Variants in TRPM6 observed in about 807,000 individuals in gnomAD.
The protein encoded by TRPM6 is channel kinase 2.
TRPM6 carries 111 observed loss-of-function variants against 247.6 expected under a neutral mutation model. That is an observed-to-expected ratio of 0.45 (90% CI 0.38 to 0.52). The LOEUF (loss-of-function observed/expected upper bound fraction) is 0.52, where lower values mean the gene tolerates loss of function less well. Ranked by LOEUF, TRPM6 falls within the 20% of genes least tolerant of loss-of-function variation. TRPM6 has a pLI of 0.00. For synonymous variants in TRPM6, 892 were observed against 853.8 expected (o/e 1.04, Z -0.78); for missense variants, 2,126 against 2,421.5 (o/e 0.88, Z 2.56).
intron 19 of TRPM6, among the ~76,000 whole-genome samples, chr9:74,789,582 AT>A (rs1827821568): frequency 1.3e-5 from 2 of 152,214 alleles, no homozygotes; most frequent in African/African-American, 4.8e-5. Flanking sequence ...AAATTACACT[AT>A]TATCAACAAT....
chr9:74,845,990 G>A (rs1027247529), intron 3 of TRPM6, among the ~76,000 whole-genome samples: 15 of 151,942 alleles, frequency 9.9e-5, no homozygotes, highest in African/African-American at 2.4e-4. Flanking sequence ...AAAAATTTAC[G>A]TAAAAAATAA....
chr9:74,816,465 GAAAAAAAAAAAA>G (rs34100441), intron 11 of TRPM6, among the ~76,000 whole-genome samples, 192 bp downstream of exon 11: 1 of 93,644 alleles, frequency 1.1e-5, no homozygotes, highest in African/African-American at 4.1e-5. Flanking sequence ...GCAGAGCCAG[GAAAAAAAAAAAA>G]AAAAAAAAAA....
intron 13 of TRPM6, among the ~76,000 whole-genome samples, chr9:74,810,609 T>C (rs1171264446): frequency 6.6e-6 from 1 of 152,198 alleles, no homozygotes; most frequent in Non-Finnish European, 1.5e-5. Context: ...AACTGATGGA[T>C]CAAGTCTTTT....
At chr9:74,783,817 T>G (rs114316842) in intron 21 of TRPM6, among the ~76,000 whole-genome samples, 1 of 152,306 alleles carries the variant, frequency 6.6e-6, no homozygotes, top group East Asian at 1.9e-4. Context: ...TTCTGTCCTC[T>G]TTGTTTGTTT....
intron 3 of TRPM6, 81 bp from the exon 4 acceptor site, chr9:74,842,424 A>G: frequency 1.5e-6 from 2 of 1,346,552 alleles, no homozygotes; most frequent in Admixed American, 3.5e-5. Flanking sequence ...AAAGTAATGT[A>G]TAGATGCCAT....
intron 7 of TRPM6, among the ~76,000 whole-genome samples, chr9:74,826,469 T>C (rs139470718): frequency 5.2e-4 from 79 of 152,312 alleles, no homozygotes; most frequent in Non-Finnish European, 9.0e-4. Context: ...AAGTATTTTG[T>C]GGAAGATTTA....
intron 21 of TRPM6, 126 bp downstream of exon 21, chr9:74,785,748 C>G (rs1035564095): frequency 2.9e-6 from 3 of 1,035,990 alleles, no homozygotes; most frequent in Non-Finnish European, 3.0e-6. Flanking sequence ...TGTTCTTGAT[C>G]TCCTGACCTT....
intron 19 of TRPM6, among the ~76,000 whole-genome samples, chr9:74,789,823 T>C (rs751463551): frequency 2.0e-5 from 3 of 151,928 alleles, no homozygotes; most frequent in Non-Finnish European, 2.9e-5. Context: ...TAGCTAGGCA[T>C]GGTGGTGCAC....
At chr9:74,797,323 G>A (rs1313666819) in intron 17 of TRPM6, among the ~76,000 whole-genome samples, 4 of 152,146 alleles carry the variant, frequency 2.6e-5, no homozygotes, top group Non-Finnish European at 4.4e-5. Flanking sequence ...AAGGGGATTG[G>A]AGCCAGGACA....
chr9:74,732,654 T>C (rs781162961), intron 37 of TRPM6, 31 bp downstream of exon 37: 1 of 1,510,482 alleles, frequency 6.6e-7, no homozygotes, highest in Non-Finnish European at 9.2e-7. Flanking sequence ...TAAATGCAAT[T>C]TTCTAAATGA....
chr9:74,862,521 CT>C (rs1830719889), intron 1 of TRPM6, among the ~76,000 whole-genome samples: 1 of 152,176 alleles, frequency 6.6e-6, no homozygotes, highest in East Asian at 1.9e-4. Context: ...TATATCTAAT[CT>C]TTGGCCTGAG....
chr9:74,793,080 C>T (rs538806930), intron 18 of TRPM6, among the ~76,000 whole-genome samples: 44 of 152,132 alleles, frequency 2.9e-4, no homozygotes, highest in Non-Finnish European at 4.6e-4. Context: ...CGCTTGAACC[C>T]GGGAGGCAGA....
chr9:74,786,448 C>T (rs1028340060), intron 20 of TRPM6, among the ~76,000 whole-genome samples: 1 of 152,100 alleles, frequency 6.6e-6, no homozygotes, highest in Admixed American at 6.6e-5. Context: ...TTTTAAAACT[C>T]AATACTGCAG....
chr9:74,762,907 T>G lies in TRPM6; in HGVS notation c.3764A>C (p.Asn1255Thr). 1 of 1,607,956 alleles carries G rather than the reference T, an allele frequency of 6.2e-7. No individual in the cohort carries two copies. Among genetic ancestry groups the G allele is most frequent in the Non-Finnish European group, 8.5e-7 (1 of 1,175,898 alleles). ...TCKKLPHSWS[N>T]VICAEVLGSM... ...GCCTAGAACCTCTGCACAGATGACATTGCTCCAGCTGTGGGGAAGTTTTTT... is the reference window on the plus strand; with the variant it reads ...GCCTAGAACCTCTGCACAGATGACAGTGCTCCAGCTGTGGGGAAGTTTTTT... Residue 1255 changes from asparagine (N) to threonine (T), a missense_variant, in exon 26 of 39, where the codon AAT becomes ACT. Asn to Thr is a moderately conservative substitution (Grantham distance 65). Coordinates refer to ENST00000360774, the MANE Select transcript of TRPM6 (RefSeq NM_017662.5).
At chr9:74,806,260 G>T (rs1828523006) in intron 14 of TRPM6, among the ~76,000 whole-genome samples, 1 of 151,350 alleles carries the variant, frequency 6.6e-6, no homozygotes, top group African/African-American at 2.4e-5. Context: ...AAAAACCATA[G>T]GCTTTTTAAA....
At chr9:74,859,499 G>T (rs570550890) in intron 1 of TRPM6, among the ~76,000 whole-genome samples, 130 of 152,302 alleles carry the variant, frequency 8.5e-4, no homozygotes, top group Non-Finnish European at 6.2e-4. Context: ...CTAGCTGGGC[G>T]TGGTGGCTCA....
chr9:74,860,621 A>C (rs1830665417), intron 1 of TRPM6, among the ~76,000 whole-genome samples: 2 of 152,320 alleles, frequency 1.3e-5, no homozygotes, highest in South Asian at 4.1e-4. Context: ...GGCCTCCCAA[A>C]GTGCTGGGAT....
chr9:74,745,710 C>T (rs72614702), intron 31 of TRPM6, among the ~76,000 whole-genome samples: 8,357 of 152,130 alleles, frequency 0.055, 325 homozygotes, highest in East Asian at 0.17. Context: ...AGTGTAGCCA[C>T]AGTGAAATGC....
chr9:74,801,599 A>C (rs1320633033), intron 16 of TRPM6, among the ~76,000 whole-genome samples: 1 of 152,150 alleles, frequency 6.6e-6, no homozygotes, highest in Non-Finnish European at 1.5e-5. Flanking sequence ...GGAGCTTTCA[A>C]AATCATTAAT....
Sources: gnomAD v4.1 joint callset for allele counts (sites outside exome capture counted in the v4.1 genomes callset) on GRCh38, gnomAD v4.1.1 for gene constraint, MANE v1.5 for transcripts, NCBI Gene and HGNC (gene_info 2026-07-23, HGNC 2026-07-21) for gene names.